Variants in DENND1A observed in about 807,000 individuals in gnomAD.
DENND1A encodes DENN domain-containing protein 1A.
Under a neutral mutation model 113.7 loss-of-function variants are expected in DENND1A, and 51 were observed. The observed-to-expected ratio is 0.45, with a 90% CI of 0.36 to 0.57. DENND1A has a LOEUF of 0.57. Ranked by LOEUF, DENND1A falls within the 20% of genes least tolerant of loss-of-function variation. DENND1A has a pLI of 0.00. For synonymous variants in DENND1A, 565 were observed against 570.8 expected (o/e 0.99, Z 0.14); for missense variants, 1,258 against 1,395.9 (o/e 0.90, Z 1.57).
At chr9:123,853,386 G>C (rs570131040) in intron 2 of DENND1A, among the ~76,000 whole-genome samples, 1 of 151,882 alleles carries the variant, frequency 6.6e-6, no homozygotes, top group East Asian at 2.0e-4. Flanking sequence ...GCTCTAGGCC[G>C]GGCGTGGTGG....
At chr9:123,697,280 T>G (rs2065580036) in intron 5 of DENND1A, among the ~76,000 whole-genome samples, 1 of 152,228 alleles carries the variant, frequency 6.6e-6, no homozygotes, top group Non-Finnish European at 1.5e-5. Context: ...AAAATCAGTG[T>G]GTCTTTAGTC....
intron 5 of DENND1A, among the ~76,000 whole-genome samples, chr9:123,731,460 A>G (rs949098903): frequency 2.6e-5 from 4 of 152,208 alleles, no homozygotes; most frequent in African/African-American, 7.2e-5. Context: ...CAATCGAGAA[A>G]AGATGGTCTT....
intron 15 of DENND1A, among the ~76,000 whole-genome samples, 192 bp downstream of exon 15, chr9:123,457,156 C>T (rs554661188): frequency 7.2e-5 from 11 of 152,278 alleles, no homozygotes; most frequent in South Asian, 2.1e-4. Context: ...CTAGGCTGGG[C>T]GACTTCATAT....
chr9:123,401,785 C>G (rs1178083753), intron 21 of DENND1A: 2 of 1,614,064 alleles, frequency 1.2e-6, no homozygotes, highest in African/African-American at 1.3e-5. Context: ...CCCCTCTGCC[C>G]AGTCTGGAAA....
intron 11 of DENND1A, among the ~76,000 whole-genome samples, chr9:123,594,805 T>A (rs1262664646): frequency 6.6e-6 from 1 of 152,174 alleles, no homozygotes; most frequent in Non-Finnish European, 1.5e-5. Context: ...CCCAAATGCA[T>A]GTGCATATAT....
intron 5 of DENND1A, among the ~76,000 whole-genome samples, chr9:123,688,695 G>A (rs563812451): frequency 6.6e-5 from 10 of 152,142 alleles, no homozygotes; most frequent in African/African-American, 1.9e-4. Context: ...CCCCAAACAC[G>A]AGGAGGCTGA....
intron 13 of DENND1A, among the ~76,000 whole-genome samples, chr9:123,521,242 T>A (rs2054369524): frequency 6.6e-6 from 1 of 152,212 alleles, no homozygotes; most frequent in African/African-American, 2.4e-5. Flanking sequence ...AGGAAGACAA[T>A]TTTTCTGTTG....
chr9:123,694,461 A>G (rs1478983254), intron 5 of DENND1A, among the ~76,000 whole-genome samples: 1 of 152,256 alleles, frequency 6.6e-6, no homozygotes, highest in African/African-American at 2.4e-5. Context: ...CTGAGAGAAT[A>G]TAAGGGACTT....
chr9:123,720,917 TC>T (rs1180043897), intron 5 of DENND1A, among the ~76,000 whole-genome samples: 6 of 152,142 alleles, frequency 3.9e-5, no homozygotes, highest in Non-Finnish European at 8.8e-5. Flanking sequence ...TTATCAAACA[TC>T]CCATGATCAT....
At chr9:123,802,375 C>G (rs1000635153) in intron 2 of DENND1A, among the ~76,000 whole-genome samples, 2 of 152,096 alleles carry the variant, frequency 1.3e-5, no homozygotes, top group Admixed American at 6.5e-5. Flanking sequence ...AGACCATGCC[C>G]TCCTCCCTAC....
chr9:123,760,707 G>A (rs1353777132), intron 4 of DENND1A, among the ~76,000 whole-genome samples: 3 of 152,192 alleles, frequency 2.0e-5, no homozygotes, highest in Non-Finnish European at 2.9e-5. Context: ...ATGTTTTAAA[G>A]GGGGATTATA....
chr9:123,900,186 A>T (rs961971425), intron 1 of DENND1A, among the ~76,000 whole-genome samples: 15 of 152,248 alleles, frequency 9.9e-5, no homozygotes, highest in African/African-American at 3.6e-4. Context: ...CATCACAAAT[A>T]TAAATCCTGG....
At chr9:123,427,339 G>A (rs2045816852) in intron 19 of DENND1A, among the ~76,000 whole-genome samples, 1 of 152,200 alleles carries the variant, frequency 6.6e-6, no homozygotes, top group South Asian at 2.1e-4. Flanking sequence ...TTTGCTGAAC[G>A]AATGACCTAG....
At chr9:123,703,626 C>A (rs555090804) in intron 5 of DENND1A, among the ~76,000 whole-genome samples, 1 of 152,062 alleles carries the variant, frequency 6.6e-6, no homozygotes, top group Non-Finnish European at 1.5e-5. Flanking sequence ...TAAGTCCTTA[C>A]CAAAAAGAAC....
At chr9:123,493,236 T>G (rs985625056) in intron 13 of DENND1A, 2 of 152,314 alleles carry the variant, frequency 1.3e-5, no homozygotes, top group African/African-American at 4.8e-5. Context: ...CTCCCTGACA[T>G]GGTGGCACTG....
At chr9:123,680,159 C>A (rs1365760982) in intron 5 of DENND1A, among the ~76,000 whole-genome samples, 1 of 152,130 alleles carries the variant, frequency 6.6e-6, no homozygotes, top group Non-Finnish European at 1.5e-5. Context: ...ATGACCCAAT[C>A]AGAAGACAGA....
chr9:123,630,085 G>A (rs2061409003), intron 10 of DENND1A, among the ~76,000 whole-genome samples: 1 of 151,914 alleles, frequency 6.6e-6, no homozygotes, highest in South Asian at 2.1e-4. Context: ...CTGTTGCCCG[G>A]GATGGAGTGC....
chr9:123,676,642 T>C, intron 6 of DENND1A, 78 bp downstream of exon 6: 2 of 1,395,206 alleles, frequency 1.4e-6, no homozygotes, highest in Non-Finnish European at 9.9e-7. Flanking sequence ...TTTGGTAAAA[T>C]ATAAGGCATG....
chr9:123,488,618 T>A (rs1471399926), intron 13 of DENND1A, among the ~76,000 whole-genome samples: 6 of 152,194 alleles, frequency 3.9e-5, no homozygotes, highest in African/African-American at 1.4e-4. Context: ...GTGAGGTCCT[T>A]AGGGGGCCTC....
Sources: allele counts gnomAD v4.1 joint callset (sites outside exome capture counted in the v4.1 genomes callset), GRCh38; gene constraint gnomAD v4.1.1; transcripts MANE v1.5; gene names NCBI Gene and HGNC (gene_info 2026-07-23, HGNC 2026-07-21).